Variants in ESRRG observed in about 807,000 individuals in gnomAD.
ESRRG encodes estrogen related receptor gamma.
ESRRG carries 13 observed loss-of-function variants against 44.0 expected under a neutral mutation model. The observed-to-expected ratio is 0.30, with a 90% CI of 0.19 to 0.47. ESRRG has a LOEUF of 0.47. Ranked by LOEUF, ESRRG falls within the 20% of genes least tolerant of loss-of-function variation. The probability of loss-of-function intolerance (pLI) is 1.00; values close to 1 mark genes in which losing one functional copy is unlikely to be tolerated. For synonymous variants in ESRRG, 215 were observed against 214.6 expected (o/e 1.00, Z -0.02); for missense variants, 395 against 580.6 (o/e 0.68, Z 3.29).
chr1:217,016,947 C>T (rs2079475181), intron 1 of ESRRG, among the ~76,000 whole-genome samples: 1 of 152,156 alleles, frequency 6.6e-6, no homozygotes, highest in African/African-American at 2.4e-5. Flanking sequence ...AATAAGTAAA[C>T]TCTTTTACTA....
intron 2 of ESRRG, among the ~76,000 whole-genome samples, chr1:216,888,681 C>T (rs896966491): frequency 3.3e-5 from 5 of 152,138 alleles, no homozygotes; most frequent in Non-Finnish European, 7.3e-5. Flanking sequence ...CTAGCACCCA[C>T]CTTAACACTT....
intron 1 of ESRRG, among the ~76,000 whole-genome samples, chr1:217,109,014 A>C (rs1485077603): frequency 6.6e-6 from 1 of 152,176 alleles, no homozygotes; most frequent in Non-Finnish European, 1.5e-5. Context: ...TCTTTACAAC[A>C]GATCGCATGG....
rs4489629 is a variant in ESRRG at position 216,505,939 on chromosome 1, G to C, written c.*1000C>G. On this transcript the variant is annotated 3_prime_UTR_variant, in exon 7 of 7. Transcript: ENST00000408911. ...AAACATTTTTAAAAATCTTCCTTCAGGATTCATTTGTCCTTCATTATTGTT... is the reference window on the plus strand; with the variant it reads ...AAACATTTTTAAAAATCTTCCTTCACGATTCATTTGTCCTTCATTATTGTT... 2.6e-5 allele frequency: 4 copies of C among 152,598 alleles called. No individual in the cohort carries two copies. Among genetic ancestry groups the C allele is most frequent in the Non-Finnish European group, 5.9e-5 (4 of 68,032 alleles). The allele number at this position is 152,598 out of a possible 1,614,324, so 9.5% of individuals were successfully genotyped here.
intron 2 of ESRRG, among the ~76,000 whole-genome samples, chr1:216,902,947 A>C (rs1445921223): frequency 2.0e-5 from 3 of 152,202 alleles, no homozygotes; most frequent in Admixed American, 1.3e-4. Flanking sequence ...TTGTTGAAAC[A>C]GTACAAGGCT....
chr1:217,047,357 T>C (rs1429660529), intron 1 of ESRRG, among the ~76,000 whole-genome samples: 1 of 152,170 alleles, frequency 6.6e-6, no homozygotes, highest in African/African-American at 2.4e-5. Context: ...CTTTTTCCAG[T>C]GTTTTGCATC....
At chr1:217,097,164 A>G (rs1580564975) in intron 1 of ESRRG, among the ~76,000 whole-genome samples, 1 of 152,158 alleles carries the variant, frequency 6.6e-6, no homozygotes, top group Non-Finnish European at 1.5e-5. Context: ...TTGGATTCCT[A>G]TCCAGAACAT....
intron 1 of ESRRG, among the ~76,000 whole-genome samples, chr1:216,699,529 G>A (rs1323427538): frequency 6.6e-6 from 1 of 152,164 alleles, no homozygotes; most frequent in Non-Finnish European, 1.5e-5. Context: ...AACTCTTGAT[G>A]TTGAAAGAGG....
At chr1:217,119,725 A>G (rs2092793985) in intron 1 of ESRRG, among the ~76,000 whole-genome samples, 1 of 152,226 alleles carries the variant, frequency 6.6e-6, no homozygotes, top group South Asian at 2.1e-4. Context: ...ATTTGAAACA[A>G]AGGTTGGATT....
chr1:216,764,798 G>C (rs1302265315), intron 2 of ESRRG, among the ~76,000 whole-genome samples: 1 of 152,066 alleles, frequency 6.6e-6, no homozygotes, highest in Non-Finnish European at 1.5e-5. Context: ...ACTTACAAAG[G>C]GTCTAATTTA....
chr1:216,590,174 GATT>G (rs1161195130), intron 3 of ESRRG, among the ~76,000 whole-genome samples: 2 of 151,802 alleles, frequency 1.3e-5, no homozygotes, highest in African/African-American at 4.8e-5. Context: ...AATGGTTGTT[GATT>G]ATTAATAATA....
chr1:217,019,420 T>C (rs1400974670), intron 1 of ESRRG, among the ~76,000 whole-genome samples: 1 of 152,180 alleles, frequency 6.6e-6, no homozygotes, highest in African/African-American at 2.4e-5. Context: ...TGACATTTGC[T>C]CTACATGCCA....
At chr1:216,660,030 G>C (rs906263945) in intron 2 of ESRRG, among the ~76,000 whole-genome samples, 2 of 152,132 alleles carry the variant, frequency 1.3e-5, no homozygotes, top group Non-Finnish European at 2.9e-5. Context: ...TAGAATAAAA[G>C]TGTTAGCAAT....
rs5780965 is a variant in ESRRG, at chr1:217,099,985, GAAA to G, written c.-230+37679_-230+37681del. Reference sequence around the variant, plus strand: ...TTCCGTTACATTTTCTTTTTATCCAGAAAAAAAAAAAAACGCATTTGTGAAGTG... The same window carrying G: ...TTCCGTTACATTTTCTTTTTATCCAGAAAAAAAAAACGCATTTGTGAAGTG... On this transcript the variant is annotated intron_variant, in intron 1 of 8. Transcript: ENST00000366940. Among the ~76,000 whole-genome samples, 858 of 137,036 alleles carry G rather than the reference GAAA, an allele frequency of 6.3e-3. 9 individuals carry two copies. The highest frequency in any genetic ancestry group is 9.5e-3 in the Non-Finnish European group (593 of 62,726). The allele number at this position is 137,036 out of a possible 152,430, so 89.9% of individuals were successfully genotyped here.
chr1:217,064,187 TAG>T (rs35246757), intron 1 of ESRRG, among the ~76,000 whole-genome samples: 24,145 of 147,692 alleles, frequency 0.16, 1,988 homozygotes, highest in Middle Eastern at 0.26. Flanking sequence ...TGTATGTATA[TAG>T]GTATATATTG....
At chr1:216,585,209 A>C (rs1359346727) in intron 3 of ESRRG, among the ~76,000 whole-genome samples, 1 of 152,192 alleles carries the variant, frequency 6.6e-6, no homozygotes, top group Non-Finnish European at 1.5e-5. Context: ...TTGTTTTTCA[A>C]GGATAGGATA....
At chr1:216,984,053 G>T (rs370143427) in intron 1 of ESRRG, among the ~76,000 whole-genome samples, 3 of 149,432 alleles carry the variant, frequency 2.0e-5, no homozygotes. Context: ...AAGAATGGGG[G>T]GGGGTATGTG....
At chr1:216,895,924 A>C (rs1240048783) in intron 2 of ESRRG, among the ~76,000 whole-genome samples, 1 of 152,216 alleles carries the variant, frequency 6.6e-6, no homozygotes, top group Non-Finnish European at 1.5e-5. Flanking sequence ...ACACAAAAAT[A>C]GGTTTCCTTG....
intron 1 of ESRRG, among the ~76,000 whole-genome samples, chr1:217,042,465 C>A (rs2084032114): frequency 9.7e-6 from 1 of 103,294 alleles, no homozygotes; most frequent in Non-Finnish European, 2.0e-5. Context: ...CACACACATA[C>A]ACACACAAAC....
chr1:216,698,467 C>G (rs564673032), intron 1 of ESRRG, among the ~76,000 whole-genome samples: 2 of 139,910 alleles, frequency 1.4e-5, no homozygotes, highest in Non-Finnish European at 3.0e-5. Flanking sequence ...TGCAGTGAGC[C>G]GAGATCACGC....
Sources: allele counts gnomAD v4.1 joint callset (sites outside exome capture counted in the v4.1 genomes callset), GRCh38; gene constraint gnomAD v4.1.1; transcripts MANE v1.5; gene names NCBI Gene and HGNC (gene_info 2026-07-23, HGNC 2026-07-21).